The following UTP14C variants were observed in gnomAD, a reference collection of about 807,000 sequenced individuals.
UTP14C encodes the protein UTP14C small subunit processome component, also known as U3 small nucleolar RNA-associated protein 14 homolog C.
UTP14C carries 10 observed loss-of-function variants against 14.6 expected under a neutral mutation model. That is an observed-to-expected ratio of 0.68 (90% CI 0.42 to 1.16). The LOEUF is 1.16. UTP14C is among the 50% of genes most tolerant of loss of function. The pLI, the probability that UTP14C is intolerant of heterozygous loss-of-function variation, is 0.00. For synonymous variants in UTP14C, 315 were observed against 331.6 expected (o/e 0.95, Z 0.54); for missense variants, 818 against 890.8 (o/e 0.92, Z 1.04).
chr13:52,026,088 G>A (rs909753922), intron 1 of UTP14C, among the ~76,000 whole-genome samples: 7 of 152,234 alleles, frequency 4.6e-5, no homozygotes, highest in Non-Finnish European at 8.8e-5. Flanking sequence ...GTGCCGTGCC[G>A]TGCTGTGCCG....
At position 52,032,788 on chromosome 13, in the gene UTP14C, T is replaced by C. The variant is rs896302816; in HGVS notation, c.*1683T>C. The C allele has an allele frequency of 6.0e-6, 1 of 167,204 alleles. No homozygotes were observed. Among genetic ancestry groups the C allele is most frequent in the Admixed American group, 6.5e-5 (1 of 15,308 alleles). The allele number at this position is 167,204 out of a possible 1,614,324, so 10.4% of individuals were successfully genotyped here. A position where few individuals can be genotyped will look rare whatever the true frequency, so the allele number is the denominator to read the frequency against. On this transcript the variant is annotated 3_prime_UTR_variant, in exon 2 of 2. Coordinates refer to ENST00000521776, the MANE Select transcript of UTP14C (RefSeq NM_021645.6). ...GGAACCCTACAGATTAGCCCAGTTCTCTCTTATTTTCAGCTTTACAGACAA... is the reference window on the plus strand; with the variant it reads ...GGAACCCTACAGATTAGCCCAGTTCCCTCTTATTTTCAGCTTTACAGACAA...
Position 52,028,399 on chromosome 13 carries a change from C to T in UTP14C, c.-406C>T, listed in dbSNP as rs751255090. The T allele has an allele frequency of 6.2e-7, 1 of 1,614,122 alleles. No individual in the cohort carries two copies. Among genetic ancestry groups the T allele is most frequent in the South Asian group, 1.1e-5 (1 of 91,078 alleles). ...CCCAAAGCTTGACATTGTGGTTCCTCACGAAGGAGATATAACTGGCTTTCT... is the reference window on the plus strand; with the variant it reads ...CCCAAAGCTTGACATTGTGGTTCCTTACGAAGGAGATATAACTGGCTTTCT... On this transcript the variant is annotated 5_prime_UTR_variant, in exon 2 of 2. Coordinates refer to ENST00000521776, the MANE Select transcript of UTP14C (RefSeq NM_021645.6).
chr13:52,024,887 C>T lies in UTP14C; in HGVS notation c.-537C>T. ...TTTGATGAATTAAAGAATTATTTGT[C>T]TGAAGCAACAATTGGTCTGCATACC... is the stretch of plus-strand genomic sequence containing the variant. On this transcript the variant is annotated 5_prime_UTR_variant, in exon 1 of 2. Transcript: ENST00000521776. 2.5e-6 allele frequency: 4 copies of T among 1,613,260 alleles called. No homozygotes were observed. Among genetic ancestry groups the T allele is most frequent in the Non-Finnish European group, 3.4e-6 (4 of 1,180,008 alleles).
chr13:52,029,362 A>C lies in UTP14C; in HGVS notation c.558A>C (p.Glu186Asp), dbSNP rs1221718990. 1 of 1,614,116 alleles carries C rather than the reference A, an allele frequency of 6.2e-7. No individual in the cohort carries two copies. Among genetic ancestry groups the C allele is most frequent in the Admixed American group, 1.7e-5 (1 of 60,008 alleles). ...AGGCAAGAACTCCCCTGGAGCAGGA[A>C]ATTTTTAACCTCCTCCATAAGAACA... ...GWKARTPLEQ[E>D]IFNLLHKNKQ... The change falls in exon 2 of 2, where the codon GAA becomes GAC. Residue 186 changes from glutamate to aspartate, a missense_variant. Transcript: ENST00000521776.
chr13:52,026,396 G>C (rs942938611), intron 1 of UTP14C, among the ~76,000 whole-genome samples: 6 of 152,204 alleles, frequency 3.9e-5, no homozygotes, highest in Admixed American at 3.9e-4. Context: ...AGTATTGCAC[G>C]TAAAAGCTTT....
chr13:52,027,447 C>T (rs1210807792), intron 1 of UTP14C, among the ~76,000 whole-genome samples: 1 of 152,176 alleles, frequency 6.6e-6, no homozygotes, highest in Non-Finnish European at 1.5e-5. Flanking sequence ...TTCTGTTCTG[C>T]AGGGATTTCA....
At position 52,030,337 on chromosome 13, in the gene UTP14C, G is replaced by C; in HGVS notation, c.1533G>C (p.Glu511Asp). ...CAGAGAGAGTACAAACTCTGGAAGA[G>C]CTAGAAGAGCTGGGAAAAGAAGATT... is the stretch of plus-strand genomic sequence containing the variant. ...QRSERVQTLE[E>D]LEELGKEDCF... The change falls in exon 2 of 2, where the codon GAG becomes GAC. Residue 511 changes from glutamate to aspartate, a missense_variant. Glu to Asp is a conservative substitution (Grantham distance 45, BLOSUM62 2). Transcript: ENST00000521776. 1.2e-6 allele frequency: 2 copies of C among 1,614,224 alleles called. No homozygotes were observed. The highest frequency in any genetic ancestry group is 1.7e-6 in the Non-Finnish European group (2 of 1,180,042).
intron 1 of UTP14C, among the ~76,000 whole-genome samples, chr13:52,026,896 G>T (rs573954314): frequency 1.3e-5 from 2 of 152,164 alleles, no homozygotes; most frequent in Non-Finnish European, 2.9e-5. Context: ...GGTTAAGATC[G>T]CCTGGGGAAT....
intron 1 of UTP14C, among the ~76,000 whole-genome samples, chr13:52,025,750 T>C (rs1954234294): frequency 6.6e-6 from 1 of 152,258 alleles, no homozygotes; most frequent in Admixed American, 6.5e-5. Context: ...CATATATTTC[T>C]CAAGCGCTTT....
Position 52,030,119 on chromosome 13 carries a change from G to A in UTP14C, c.1315G>A (p.Glu439Lys), listed in dbSNP as rs773454637. The A allele has an allele frequency of 5.0e-6, 8 of 1,614,112 alleles. No homozygotes were observed. Among genetic ancestry groups the A allele is most frequent in the South Asian group, 3.3e-5 (3 of 91,094 alleles). Residue 439 changes from glutamate to lysine, a missense_variant, in exon 2 of 2, where the codon GAG becomes AAG. By Grantham distance (56) the Glu-to-Lys change is moderately conservative. Transcript: ENST00000521776. Reference sequence around the variant, plus strand: ...AAGATCTGAGCTCAACCAGGATGCTGAGCCAGCAAGCAGTCAAGAAACAAA... The same window carrying A: ...AAGATCTGAGCTCAACCAGGATGCTAAGCCAGCAAGCAGTCAAGAAACAAA... ...RKRSELNQDA[E>K]PASSQETKDS...
In UTP14C at chr13:52,028,345, A is replaced by G. The variant is rs779064391; in HGVS notation, c.-460A>G. 6 of 1,614,162 alleles carry G rather than the reference A, an allele frequency of 3.7e-6. No individual in the cohort carries two copies. The highest frequency in any genetic ancestry group is 1.6e-4 in the Middle Eastern group (1 of 6,062). On this transcript the variant is annotated 5_prime_UTR_variant, in exon 2 of 2. Coordinates refer to ENST00000521776, the MANE Select transcript of UTP14C (RefSeq NM_021645.6). ...AGTTGTGGAGTGTATGGCAGCTGGC[A>G]CAATTATCCTTGCACACAATTCGGG...
rs746842617 is a variant in UTP14C at position 52,029,685 on chromosome 13, T to G, written c.881T>G (p.Met294Arg). 1.2e-6 allele frequency: 2 copies of G among 1,614,054 alleles called. No individual in the cohort carries two copies. The highest frequency in any genetic ancestry group is 2.7e-5 in the African/African-American group (2 of 74,922). Residue 294 changes from methionine (M) to arginine (R), a missense_variant, in exon 2 of 2, where the codon ATG becomes AGG. Coordinates refer to ENST00000521776, the MANE Select transcript of UTP14C (RefSeq NM_021645.6). Reference protein sequence around the residue: ...KIENARMMERMSLKHQNSGKW... With the variant: ...KIENARMMERRSLKHQNSGKW... Reference sequence around the variant, plus strand: ...GAAAATGCCAGAATGATGGAAAGAATGAGCCTTAAGCACCAAAACAGTGGG... The same window carrying G: ...GAAAATGCCAGAATGATGGAAAGAAGGAGCCTTAAGCACCAAAACAGTGGG...
Position 52,029,056 on chromosome 13 carries a change from G to T in UTP14C, c.252G>T (p.Leu84=). ...GTTCTGAAGGATCAGGAGAAAAGCTGGGCCTTGCAGATCTGCTTGAGCCCG... is the reference window on the plus strand; with the variant it reads ...GTTCTGAAGGATCAGGAGAAAAGCTTGGCCTTGCAGATCTGCTTGAGCCCG... ...SVSSEGSGEK[L]GLADLLEPVK... The change falls in exon 2 of 2, where the codon CTG becomes CTT. Residue 84 remains leucine (L), a synonymous_variant. Transcript: ENST00000521776. 4 of 1,614,216 alleles carry T rather than the reference G, an allele frequency of 2.5e-6. No individual in the cohort carries two copies. Among genetic ancestry groups the T allele is most frequent in the Middle Eastern group, 1.6e-4 (1 of 6,062 alleles).
Position 52,029,478 on chromosome 13 carries a change from A to G in UTP14C, c.674A>G (p.Glu225Gly). The G allele has an allele frequency of 6.2e-7, 1 of 1,614,244 alleles. No homozygotes were observed. The highest frequency in any genetic ancestry group is 8.5e-7 in the Non-Finnish European group (1 of 1,180,052). Residue 225 changes from glutamate (E) to glycine (G), a missense_variant, in exon 2 of 2, where the codon GAG becomes GGG. Transcript: ENST00000521776. Reference protein sequence around the residue: ...SLEEAKMHRAELQRARALQSY... With the variant: ...SLEEAKMHRAGLQRARALQSY... ...GAAGAGGCAAAGATGCACCGAGCAGAGCTTCAGAGGGCTCGGGCTCTGCAG... is the reference window on the plus strand; with the variant it reads ...GAAGAGGCAAAGATGCACCGAGCAGGGCTTCAGAGGGCTCGGGCTCTGCAG...
chr13:52,030,403 A>G lies in UTP14C; in HGVS notation c.1599A>G (p.Gly533=), dbSNP rs750113606. ...NKELPRPVLE[G]QQSERTPNNR... is the part of the protein sequence containing the mutation. ...AGCTTCCCAGACCTGTGTTAGAAGG[A>G]CAGCAGTCAGAGAGGACCCCAAATA... The change falls in exon 2 of 2, where the codon GGA becomes GGG. Residue 533 remains glycine (G), a synonymous_variant. Transcript: ENST00000521776. 3.1e-6 allele frequency: 5 copies of G among 1,614,230 alleles called. No homozygotes were observed. Among genetic ancestry groups the G allele is most frequent in the Non-Finnish European group, 4.2e-6 (5 of 1,180,030 alleles).
rs1954319043 is a variant in UTP14C at position 52,032,883 on chromosome 13, G to T, written c.*1778G>T. ...CAAAGCTGTTTCATGAAAGAATCAA[G>T]ATTATAACCTGGATATTCTGACTCC... On this transcript the variant is annotated 3_prime_UTR_variant, in exon 2 of 2. Coordinates refer to ENST00000521776, the MANE Select transcript of UTP14C (RefSeq NM_021645.6). 1.2e-5 allele frequency: 2 copies of T among 166,974 alleles called. No homozygotes were observed. Among genetic ancestry groups the T allele is most frequent in the East Asian group, 3.8e-4 (2 of 5,196 alleles). 10.3% of individuals were successfully genotyped at this position (166,974 alleles called of 1,614,324 possible). A position where few individuals can be genotyped will look rare whatever the true frequency, so the allele number is the denominator to read the frequency against.
rs1954278709 is a variant in UTP14C, at chr13:52,029,667, C to T, written c.863C>T (p.Ala288Val). ...ALEEMEKIENARMMERMSLKH... is the reference protein window; with the variant it reads ...ALEEMEKIENVRMMERMSLKH... ...GAAGAAATGGAAAAAATTGAAAATG[C>T]CAGAATGATGGAAAGAATGAGCCTT... The change falls in exon 2 of 2, where the codon GCC becomes GTC. Residue 288 changes from alanine to valine, a missense_variant. Ala to Val is a moderately conservative substitution (Grantham distance 64, BLOSUM62 0). Coordinates refer to ENST00000521776, the MANE Select transcript of UTP14C (RefSeq NM_021645.6). 4 of 1,614,152 alleles carry T rather than the reference C, an allele frequency of 2.5e-6. No individual in the cohort carries two copies. The highest frequency in any genetic ancestry group is 2.7e-5 in the African/African-American group (2 of 75,028).
In UTP14C at chr13:52,031,800, A is replaced by G. The variant is rs369240561; in HGVS notation, c.*695A>G. ...ATTTACAAACTTCTGACCTTTTGACACTAAAGCTGCTCCTTTATCTTTCTG... is the reference window on the plus strand; with the variant it reads ...ATTTACAAACTTCTGACCTTTTGACGCTAAAGCTGCTCCTTTATCTTTCTG... On this transcript the variant is annotated 3_prime_UTR_variant, in exon 2 of 2. Transcript: ENST00000521776. 3.0e-5 allele frequency: 5 copies of G among 167,120 alleles called. No homozygotes were observed. The highest frequency in any genetic ancestry group is 1.2e-4 in the African/African-American group (5 of 41,456). 10.4% of individuals were successfully genotyped at this position (167,120 alleles called of 1,614,324 possible). A position where few individuals can be genotyped will look rare whatever the true frequency, so the allele number is the denominator to read the frequency against.
rs1286865169 is a variant in UTP14C, at chr13:52,029,240, A to G, written c.436A>G (p.Ile146Val). 1 of 1,614,086 alleles carries G rather than the reference A, an allele frequency of 6.2e-7. No homozygotes were observed. The highest frequency in any genetic ancestry group is 2.2e-5 in the East Asian group (1 of 44,888). ...ACAGGTCCTCTCCAAATGGGACCCT[A>G]TCATCCTGAAGAACCAGCAGGCAGA... The part of the protein sequence containing the change: ...TSQVLSKWDP[I>V]ILKNQQAEQL... Residue 146 changes from isoleucine to valine, a missense_variant, in exon 2 of 2, where the codon ATC (isoleucine) becomes GTC (valine). By Grantham distance (29) the Ile-to-Val change is conservative (BLOSUM62 3). Transcript: ENST00000521776.
Sources: allele counts gnomAD v4.1 joint callset (sites outside exome capture counted in the v4.1 genomes callset), GRCh38; gene constraint gnomAD v4.1.1; transcripts MANE v1.5; gene names NCBI Gene and HGNC (gene_info 2026-07-23, HGNC 2026-07-21).